BICD1: variants seen among roughly 807,000 people sequenced by gnomAD.
BICD1 encodes the protein BICD cargo adaptor 1.
Under a neutral mutation model 92.5 loss-of-function variants are expected in BICD1, and 35 were observed. The ratio of observed to expected loss-of-function variants is 0.38; its 90% confidence interval spans 0.29 to 0.50. The LOEUF (loss-of-function observed/expected upper bound fraction) is 0.50. Ranked by LOEUF, BICD1 falls within the 20% of genes least tolerant of loss-of-function variation. The probability of loss-of-function intolerance (pLI) is 0.93; values close to 1 mark genes in which losing one functional copy is unlikely to be tolerated. For synonymous variants in BICD1, 429 were observed against 465.1 expected, an observed-to-expected ratio of 0.92 and a Z score of 1.00; for missense variants, 950 against 1,189.8, an observed-to-expected ratio of 0.80 and a Z score of 2.97.
chr12:32,318,473 A>G (rs551169251), intron 4 of BICD1, among the ~76,000 whole-genome samples: 2 of 152,140 alleles, frequency 1.3e-5, no homozygotes, highest in Non-Finnish European at 2.9e-5. Context: ...TCTTTGAAGC[A>G]ATTGTGAATG....
At chr12:32,340,658 C>A in intron 8 of BICD1, 1 of 378,690 alleles carries the variant, frequency 2.6e-6, no homozygotes, top group Non-Finnish European at 3.6e-6. Context: ...TGAATATATA[C>A]TTTATATTGT....
At chr12:32,248,124 C>G (rs929114719) in intron 2 of BICD1, among the ~76,000 whole-genome samples, 1 of 152,114 alleles carries the variant, frequency 6.6e-6, no homozygotes, top group Admixed American at 6.6e-5. Context: ...AAGAAGACCT[C>G]TGTCTCCTAG....
At chr12:32,115,849 C>T (rs967043717) in intron 1 of BICD1, among the ~76,000 whole-genome samples, 2 of 152,010 alleles carry the variant, frequency 1.3e-5, no homozygotes, top group Non-Finnish European at 1.5e-5. Flanking sequence ...CCGGCAAGAG[C>T]CAGTCCTGCA....
At chr12:32,111,282 A>T (rs1592311741) in intron 1 of BICD1, among the ~76,000 whole-genome samples, 1 of 152,090 alleles carries the variant, frequency 6.6e-6, no homozygotes, top group Admixed American at 6.6e-5. Flanking sequence ...TTTGGAGCCA[A>T]CTCTATTCTT....
At chr12:32,120,867 TAGAG>T (rs144690164) in intron 1 of BICD1, among the ~76,000 whole-genome samples, 16 of 83,448 alleles carry the variant, frequency 1.9e-4, no homozygotes, top group South Asian at 4.1e-4. Context: ...AATCAACCAT[TAGAG>T]AGAGAGAGAG....
chr12:32,301,106 T>C (rs2136209190), intron 3 of BICD1, among the ~76,000 whole-genome samples: 1 of 152,314 alleles, frequency 6.6e-6, no homozygotes, highest in South Asian at 2.1e-4. Context: ...CTGATTTCCA[T>C]ACTCCTTCAT....
In BICD1 at chr12:32,305,975, C is replaced by T. The variant is rs1469535439; in HGVS notation, c.858C>T (p.Asn286=). Residue 286 remains asparagine (N), a synonymous_variant, in exon 4 of 10, where the codon AAC becomes AAT. Transcript: ENST00000652176. ...AACCAAACAATGATGACAAAATGAA[C>T]GGTCATATCCATGGGCCTCTTGTGA... is the stretch of plus-strand genomic sequence containing the variant. ...GSEPNNDDKM[N]GHIHGPLVKL... 2.5e-6 allele frequency: 4 copies of T among 1,614,040 alleles called. No individual in the cohort carries two copies. Among genetic ancestry groups the T allele is most frequent in the East Asian group, 2.2e-5 (1 of 44,894 alleles).
chr12:32,266,089 GCA>G (rs904011572), intron 2 of BICD1, among the ~76,000 whole-genome samples: 3 of 152,098 alleles, frequency 2.0e-5, no homozygotes, highest in African/African-American at 7.2e-5. Flanking sequence ...CCTCATCTAA[GCA>G]CAGACACGAT....
chr12:32,299,758 G>A (rs1268516845), intron 3 of BICD1, among the ~76,000 whole-genome samples: 1 of 152,196 alleles, frequency 6.6e-6, no homozygotes, highest in Non-Finnish European at 1.5e-5. Context: ...GCTCCAATGA[G>A]CCATGATTGT....
intron 1 of BICD1, among the ~76,000 whole-genome samples, chr12:32,181,558 C>T (rs17587471): frequency 0.1 from 15,658 of 151,758 alleles, 1,305 homozygotes; most frequent in Middle Eastern, 0.22. Flanking sequence ...TTAAAAGTTA[C>T]TATCAGGAGC....
chr12:32,193,015 A>T (rs904879640), intron 1 of BICD1, among the ~76,000 whole-genome samples: 2 of 152,254 alleles, frequency 1.3e-5, no homozygotes, highest in Admixed American at 1.3e-4. Flanking sequence ...ACAACAAAAG[A>T]TGTAGAATAT....
intron 1 of BICD1, among the ~76,000 whole-genome samples, chr12:32,183,193 C>T (rs1379407155): frequency 2.0e-5 from 3 of 151,518 alleles, no homozygotes; most frequent in African/African-American, 7.3e-5. Flanking sequence ...AGCCACCACA[C>T]CTGGTCTTAG....
chr12:32,230,101 A>C (rs1945830509), intron 2 of BICD1, among the ~76,000 whole-genome samples: 1 of 152,148 alleles, frequency 6.6e-6, no homozygotes, highest in Non-Finnish European at 1.5e-5. Context: ...CTGCGGTGGA[A>C]GCAAGGTCAG....
intron 8 of BICD1, among the ~76,000 whole-genome samples, chr12:32,359,762 T>C (rs568776708): frequency 1.1e-3 from 165 of 152,296 alleles, no homozygotes; most frequent in African/African-American, 3.6e-3. Flanking sequence ...AGAAATTTAT[T>C]AAACCTTTTT....
At chr12:32,125,773 T>C (rs1219676331) in intron 1 of BICD1, among the ~76,000 whole-genome samples, 3 of 151,916 alleles carry the variant, frequency 2.0e-5, no homozygotes, top group Admixed American at 1.3e-4. Context: ...CTAGGCGCAG[T>C]GGCTCAGCCT....
chr12:32,117,929 T>C (rs11051803), intron 1 of BICD1, among the ~76,000 whole-genome samples: 39,797 of 150,206 alleles, frequency 0.26, 5,852 homozygotes, highest in Middle Eastern at 0.37. Flanking sequence ...TTTGTATTTT[T>C]AGTAGAGACA....
intron 1 of BICD1, among the ~76,000 whole-genome samples, chr12:32,174,375 C>T (rs1037882019): frequency 2.0e-5 from 3 of 152,002 alleles, no homozygotes; most frequent in African/African-American, 7.2e-5. Context: ...TGGTGACATA[C>T]ACCTGTAGTC....
chr12:32,218,522 G>A (rs924880616), intron 2 of BICD1, among the ~76,000 whole-genome samples: 3 of 152,192 alleles, frequency 2.0e-5, no homozygotes, highest in Admixed American at 6.5e-5. Context: ...CCAAAGCTGA[G>A]GAAGGCTCAC....
intron 1 of BICD1, among the ~76,000 whole-genome samples, chr12:32,204,629 C>T (rs1944996664): frequency 6.6e-6 from 1 of 152,062 alleles, no homozygotes; most frequent in South Asian, 2.1e-4. Context: ...ACAACACTGC[C>T]CACACTCCAC....
Sources: allele counts gnomAD v4.1 joint callset (sites outside exome capture counted in the v4.1 genomes callset), GRCh38; gene constraint gnomAD v4.1.1; transcripts MANE v1.5; gene names NCBI Gene and HGNC (gene_info 2026-07-23, HGNC 2026-07-21).